GRIN2A: variants seen among roughly 807,000 people sequenced by gnomAD.
GRIN2A encodes glutamate ionotropic receptor NMDA type subunit 2A, also known as glutamate receptor ionotropic, NMDA 2A.
In GRIN2A, 22 loss-of-function variants were observed where a neutral mutation model predicts 113.4. The observed-to-expected ratio is 0.19, with a 90% CI of 0.14 to 0.28. The LOEUF is 0.28. Among genes scored for constraint, GRIN2A ranks in the 10% least tolerant of loss-of-function variants. The pLI, the probability that GRIN2A is intolerant of heterozygous loss-of-function variation, is 1.00. For missense variants in GRIN2A, 1,502 were observed against 1,887.0 expected (o/e 0.80, Z 3.78); for synonymous variants, 827 against 738.4 (o/e 1.12, Z -1.94).
intron 2 of GRIN2A, among the ~76,000 whole-genome samples, chr16:10,137,761 A>G (rs759842993): frequency 6.6e-6 from 1 of 152,224 alleles, no homozygotes; most frequent in African/African-American, 2.4e-5. Context: ...AGAGCATTAA[A>G]TGAGAGAGTG....
intron 2 of GRIN2A, among the ~76,000 whole-genome samples, chr16:10,174,450 T>C (rs1567350228): frequency 6.6e-6 from 1 of 152,182 alleles, no homozygotes; most frequent in Non-Finnish European, 1.5e-5. Context: ...TTAAAGAACA[T>C]ATGTGAACAT....
chr16:9,901,761 G>T (rs9932783), intron 3 of GRIN2A, among the ~76,000 whole-genome samples: 4,487 of 152,162 alleles, frequency 0.029, 226 homozygotes, highest in African/African-American at 0.1. Context: ...CCTGACCAGG[G>T]AAAATATCTT....
intron 2 of GRIN2A, among the ~76,000 whole-genome samples, chr16:9,963,852 C>T (rs948270544): frequency 1.3e-5 from 2 of 152,200 alleles, no homozygotes; most frequent in African/African-American, 2.4e-5. Flanking sequence ...AAACTCCCTG[C>T]CTCATGGGGC....
chr16:10,075,177 G>C (rs995631604), intron 2 of GRIN2A, among the ~76,000 whole-genome samples: 7 of 152,190 alleles, frequency 4.6e-5, no homozygotes, highest in Non-Finnish European at 8.8e-5. Context: ...ATGGTATCCA[G>C]TACCTGGCGC....
chr16:10,032,396 C>A (rs1221360001), intron 2 of GRIN2A, among the ~76,000 whole-genome samples: 1 of 152,200 alleles, frequency 6.6e-6, no homozygotes, highest in Non-Finnish European at 1.5e-5. Context: ...AGCCTTTCAT[C>A]TAATTTGATA....
At chr16:10,119,546 C>T (rs1238235953) in intron 2 of GRIN2A, among the ~76,000 whole-genome samples, 1 of 152,022 alleles carries the variant, frequency 6.6e-6, no homozygotes, top group Non-Finnish European at 1.5e-5. Flanking sequence ...TTTGTCTAGC[C>T]CCGTGGTTCT....
At chr16:9,912,729 A>G (rs1285977663) in intron 3 of GRIN2A, among the ~76,000 whole-genome samples, 2 of 152,204 alleles carry the variant, frequency 1.3e-5, no homozygotes, top group Non-Finnish European at 2.9e-5. Flanking sequence ...CACTTTGTAG[A>G]GAGCCTGGAA....
intron 2 of GRIN2A, among the ~76,000 whole-genome samples, chr16:10,046,098 AG>A (rs1320237354): frequency 6.6e-6 from 1 of 152,192 alleles, no homozygotes. Context: ...CCAATATGAT[AG>A]CCCCATTGCC....
chr16:10,004,592 C>G (rs2046374319), intron 2 of GRIN2A, among the ~76,000 whole-genome samples: 1 of 152,134 alleles, frequency 6.6e-6, no homozygotes, highest in Non-Finnish European at 1.5e-5. Flanking sequence ...AATTCCTTGC[C>G]TTCCCCAGTT....
At chr16:9,942,075 T>A (rs944854702) in intron 2 of GRIN2A, among the ~76,000 whole-genome samples, 6 of 152,188 alleles carry the variant, frequency 3.9e-5, no homozygotes, top group African/African-American at 1.4e-4. Flanking sequence ...AAGTATGAAG[T>A]ATTCAGCAAA....
At chr16:10,179,142 G>A (rs568652301) in intron 2 of GRIN2A, among the ~76,000 whole-genome samples, 3 of 151,984 alleles carry the variant, frequency 2.0e-5, no homozygotes, top group African/African-American at 7.2e-5. Context: ...AAGCTCCCAG[G>A]CTGTCCACAA....
intron 10 of GRIN2A, among the ~76,000 whole-genome samples, chr16:9,805,136 G>T (rs1025661855): frequency 6.6e-6 from 1 of 152,048 alleles, no homozygotes; most frequent in Non-Finnish European, 1.5e-5. Flanking sequence ...AAATCTAATT[G>T]TCCCTACCCT....
intron 2 of GRIN2A, among the ~76,000 whole-genome samples, chr16:10,145,502 G>A (rs2049420421): frequency 7.4e-6 from 1 of 135,104 alleles, no homozygotes; most frequent in Non-Finnish European, 1.6e-5. Context: ...AGATGTCAAT[G>A]CAGCTGTTTT....
chr16:10,035,448 A>G (rs1190287566), intron 2 of GRIN2A, among the ~76,000 whole-genome samples: 2 of 152,046 alleles, frequency 1.3e-5, no homozygotes, highest in Non-Finnish European at 2.9e-5. Flanking sequence ...CCTCTGCTCC[A>G]TTTCAAATGT....
intron 3 of GRIN2A, among the ~76,000 whole-genome samples, chr16:9,926,986 G>A (rs1042148047): frequency 2.0e-5 from 3 of 151,282 alleles, no homozygotes; most frequent in Non-Finnish European, 2.9e-5. Flanking sequence ...AAGTCGTAAC[G>A]TGGGGTTTGG....
chr16:10,064,125 A>T (rs919521978), intron 2 of GRIN2A, among the ~76,000 whole-genome samples: 1 of 152,172 alleles, frequency 6.6e-6, no homozygotes, highest in Non-Finnish European at 1.5e-5. Context: ...TTCTCAATCG[A>T]TGTCTATAGA....
Position 9,753,847 on chromosome 16 carries a change from G to A in GRIN2A, c.*9302C>T, listed in dbSNP as rs572159418. 5 of 179,282 alleles carry A rather than the reference G, an allele frequency of 2.8e-5. No homozygotes were observed. The East Asian group carries it at 4.6e-4, about 17-fold the overall frequency. 11.1% of individuals were successfully genotyped at this position (179,282 alleles called of 1,614,324 possible). A position where few individuals can be genotyped will look rare whatever the true frequency, so the allele number is the denominator to read the frequency against. On this transcript the variant is annotated 3_prime_UTR_variant, in exon 13 of 13. Transcript: ENST00000330684. The stretch of plus-strand genomic sequence containing the variant: ...TACAAGACATCAAGTCAGTTCTGAT[G>A]TGGGTTTTGGATTCTGTTTGAATGT...
intron 3 of GRIN2A, among the ~76,000 whole-genome samples, chr16:9,915,007 T>C (rs1292251458): frequency 1.5e-5 from 2 of 131,320 alleles, no homozygotes; most frequent in South Asian, 5.8e-4. Context: ...CGCGATCTCG[T>C]CTCACTGCAA....
At chr16:10,073,703 C>T (rs1017213686) in intron 2 of GRIN2A, among the ~76,000 whole-genome samples, 3 of 151,214 alleles carry the variant, frequency 2.0e-5, no homozygotes, top group African/African-American at 4.9e-5. Context: ...AGTGAAAATA[C>T]GACCAGCCTG....
Sources: gnomAD v4.1 joint callset for allele counts (sites outside exome capture counted in the v4.1 genomes callset) on GRCh38, gnomAD v4.1.1 for gene constraint, MANE v1.5 for transcripts, NCBI Gene and HGNC (gene_info 2026-07-23, HGNC 2026-07-21) for gene names.